The following GALNT13 variants were observed in gnomAD, a reference collection of about 807,000 sequenced individuals.
GALNT13 encodes the protein polypeptide N-acetylgalactosaminyltransferase 13, also known as UDP-GalNAc:polypeptide N-acetylgalactosaminyltransferase 13.
In GALNT13, 28 loss-of-function variants were observed where a neutral mutation model predicts 64.2. That is an observed-to-expected ratio of 0.44 (90% CI 0.32 to 0.60). The LOEUF (loss-of-function observed/expected upper bound fraction) is 0.60, where lower values mean the gene tolerates loss of function less well. GALNT13 is among the 20% of genes least tolerant of loss of function. The probability of loss-of-function intolerance (pLI) is 0.05; values close to 1 mark genes in which losing one functional copy is unlikely to be tolerated. For missense variants in GALNT13, 577 were observed against 669.8 expected (o/e 0.86, Z 1.53); for synonymous variants, 214 against 224.6 (o/e 0.95, Z 0.42).
chr2:153,088,250 ATT>A, the GALNT13 span, among the ~76,000 whole-genome samples: 1 of 152,028 alleles, frequency 6.6e-6, no homozygotes, highest in East Asian at 1.9e-4. Flanking sequence ...AGATTATTTA[ATT>A]TTTATGTATA....
the GALNT13 span, among the ~76,000 whole-genome samples, chr2:153,151,127 A>T: frequency 6.6e-6 from 1 of 152,074 alleles, no homozygotes; most frequent in South Asian, 2.1e-4. Context: ...ATTTGTTTGT[A>T]TCCCCTTTTA....
intron 9 of GALNT13, among the ~76,000 whole-genome samples, chr2:154,372,142 G>A (rs1198474983): frequency 6.6e-6 from 1 of 151,994 alleles, no homozygotes; most frequent in Non-Finnish European, 1.5e-5. Context: ...TAAAAAATTA[G>A]CCTTTTCTCA....
Position 154,151,222 on chromosome 2 carries a change from C to T in GALNT13, c.311+10717C>T, listed in dbSNP as rs192579934. On this transcript the variant is annotated intron_variant, in intron 4 of 12. Transcript: ENST00000392825. Reference sequence around the variant, plus strand: ...CATTCAGGAGCAGGTTGTTCAGTTTCCATGTAGTTGAGCAGTTTTGAGTGC... The same window carrying T: ...CATTCAGGAGCAGGTTGTTCAGTTTTCATGTAGTTGAGCAGTTTTGAGTGC... 4.9e-3 allele frequency among the ~76,000 whole-genome samples: 740 copies of T among 152,206 alleles called. 7 individuals are homozygous for T. The highest frequency in any genetic ancestry group is 5.7e-3 in the Non-Finnish European group (386 of 68,014).
intron 9 of GALNT13, among the ~76,000 whole-genome samples, chr2:154,355,689 G>GA (rs1696700034): frequency 6.6e-6 from 1 of 152,034 alleles, no homozygotes; most frequent in Non-Finnish European, 1.5e-5. Flanking sequence ...ATTTCTCACA[G>GA]CATCCACAAG....
intron 3 of GALNT13, among the ~76,000 whole-genome samples, chr2:153,964,278 A>G (rs1258916484): frequency 6.6e-6 from 1 of 152,100 alleles, no homozygotes; most frequent in African/African-American, 2.4e-5. Context: ...GCGAAAAGCC[A>G]TCTCTACAAA....
At chr2:153,140,227 C>T in the GALNT13 span, among the ~76,000 whole-genome samples, 1 of 152,056 alleles carries the variant, frequency 6.6e-6, no homozygotes, top group Non-Finnish European at 1.5e-5. Context: ...ATGCCAAGCA[C>T]TATTCCAGGT....
In GALNT13 at chr2:154,242,037, A is replaced by G; in HGVS notation, c.319A>G (p.Thr107Ala). The change falls in exon 5 of 13, where the codon ACA becomes GCA. Residue 107 changes from threonine (T) to alanine (A), a missense_variant. By Grantham distance (58) the Thr-to-Ala change is moderately conservative. This residue lies in a region of GALNT13 where 341 missense variants were observed against 379.3 expected (regional missense o/e 0.90). Coordinates refer to ENST00000392825, the MANE Select transcript of GALNT13 (RefSeq NM_052917.4). ...TTCTTTTCTCTTTTTCAGATGTAAGACAAAAGTCTACCCTGATGAACTTCC... is the reference window on the plus strand; with the variant it reads ...TTCTTTTCTCTTTTTCAGATGTAAGGCAAAAGTCTACCCTGATGAACTTCC... Reference protein sequence around the residue: ...LPDVRLEGCKTKVYPDELPNT... With the variant: ...LPDVRLEGCKAKVYPDELPNT... The G allele has an allele frequency of 6.3e-7, 1 of 1,580,730 alleles. No homozygotes were observed. The highest frequency in any genetic ancestry group is 8.6e-7 in the Non-Finnish European group (1 of 1,166,402).
chr2:153,600,404 C>T, the GALNT13 span, among the ~76,000 whole-genome samples: 5 of 151,822 alleles, frequency 3.3e-5, no homozygotes, highest in Non-Finnish European at 5.9e-5. Context: ...TATCAATTAG[C>T]ACTTTTGTTG....
chr2:154,108,671 A>C (rs900939444), intron 3 of GALNT13, among the ~76,000 whole-genome samples: 2 of 147,472 alleles, frequency 1.4e-5, no homozygotes, highest in African/African-American at 5.1e-5. Context: ...GCTCTTTCTT[A>C]TGTAATTATT....
intron 4 of GALNT13, among the ~76,000 whole-genome samples, chr2:154,161,816 T>C (rs531052720): frequency 1.1e-4 from 16 of 152,068 alleles, no homozygotes; most frequent in African/African-American, 3.9e-4. Context: ...GGTCTCGCTC[T>C]GTTGCCCAGG....
the GALNT13 span, among the ~76,000 whole-genome samples, chr2:153,474,081 A>G: frequency 6.6e-6 from 1 of 152,176 alleles, no homozygotes; most frequent in Non-Finnish European, 1.5e-5. Context: ...TGATTATTGT[A>G]AATAACTTAT....
chr2:153,282,997 A>G, the GALNT13 span, among the ~76,000 whole-genome samples: 4 of 152,170 alleles, frequency 2.6e-5, no homozygotes, highest in African/African-American at 7.2e-5. Context: ...CCAGTAGATG[A>G]CACTTATGGG....
the GALNT13 span, among the ~76,000 whole-genome samples, chr2:153,653,525 ATGT>A: frequency 9.2e-5 from 14 of 151,992 alleles, no homozygotes; most frequent in Admixed American, 2.6e-4. Flanking sequence ...ATATAATTAG[ATGT>A]TGTGTGAGAT....
chr2:153,328,877 C>T, the GALNT13 span, among the ~76,000 whole-genome samples: 1 of 152,114 alleles, frequency 6.6e-6, no homozygotes, highest in Admixed American at 6.5e-5. Context: ...TTGCAGCTAT[C>T]TCGGTGTCTG....
the GALNT13 span, among the ~76,000 whole-genome samples, chr2:153,484,640 A>G: frequency 6.6e-6 from 1 of 152,236 alleles, no homozygotes; most frequent in Non-Finnish European, 1.5e-5. Context: ...CTTTGGCTAC[A>G]TGTTAAAATC....
At chr2:154,145,029 T>A (rs1683483668) in intron 4 of GALNT13, among the ~76,000 whole-genome samples, 1 of 147,442 alleles carries the variant, frequency 6.8e-6, no homozygotes, top group Non-Finnish European at 1.5e-5. Context: ...GGCCCTTCAT[T>A]CCTGGGATAT....
the GALNT13 span, among the ~76,000 whole-genome samples, chr2:153,485,952 T>C: frequency 2.6e-5 from 4 of 152,268 alleles, no homozygotes; most frequent in African/African-American, 9.6e-5. Flanking sequence ...TTTTTGGTTT[T>C]TTTTCCAAGA....
At chr2:153,785,909 C>T in the GALNT13 span, among the ~76,000 whole-genome samples, 2 of 152,040 alleles carry the variant, frequency 1.3e-5, no homozygotes, top group African/African-American at 4.8e-5. Context: ...AGAGCAGCCA[C>T]CTCACAGAAA....
chr2:153,259,719 G>A, the GALNT13 span, among the ~76,000 whole-genome samples: 1 of 152,102 alleles, frequency 6.6e-6, no homozygotes, highest in Non-Finnish European at 1.5e-5. Context: ...TGATAGTGAG[G>A]CCTCCCCAGC....
Sources: gnomAD v4.1 joint callset for allele counts (sites outside exome capture counted in the v4.1 genomes callset) on GRCh38, gnomAD v4.1.1 for gene constraint, gnomAD v4.1.1 regional missense constraint, MANE v1.5 for transcripts, NCBI Gene and HGNC (gene_info 2026-07-23, HGNC 2026-07-21) for gene names.